The following BMPER variants were observed in gnomAD, a reference collection of about 807,000 sequenced individuals.
BMPER encodes BMP-binding endothelial regulator protein.
A neutral mutation model predicts 87.3 loss-of-function variants in BMPER; 45 were observed. The observed-to-expected ratio is 0.52, with a 90% CI of 0.41 to 0.66. The LOEUF (loss-of-function observed/expected upper bound fraction) is 0.66, where lower values mean the gene tolerates loss of function less well. BMPER is among the 30% of genes least tolerant of loss of function. The pLI is 0.00. For missense variants in BMPER, 784 were observed against 867.5 expected, an observed-to-expected ratio of 0.90 and a Z score of 1.21; for synonymous variants, 326 against 316.2, an observed-to-expected ratio of 1.03 and a Z score of -0.33.
chr7:34,149,361 C>G (rs1791112789), intron 14 of BMPER, among the ~76,000 whole-genome samples: 1 of 152,114 alleles, frequency 6.6e-6, no homozygotes, highest in Admixed American at 6.6e-5. Flanking sequence ...ATAACTATAA[C>G]GTTAAAAGTA....
intron 6 of BMPER, among the ~76,000 whole-genome samples, chr7:34,021,444 A>G (rs1585744953): frequency 1.3e-5 from 2 of 152,158 alleles, no homozygotes; most frequent in East Asian, 3.9e-4. Flanking sequence ...TATATATGCC[A>G]GGGACTGTTT....
At chr7:34,041,687 A>G (rs934057374) in intron 6 of BMPER, among the ~76,000 whole-genome samples, 1 of 152,078 alleles carries the variant, frequency 6.6e-6, no homozygotes, top group African/African-American at 2.4e-5. Context: ...CCACACTTAA[A>G]TCCTTTGCAC....
intron 13 of BMPER, among the ~76,000 whole-genome samples, chr7:34,119,014 T>TCTCTCTCTCTCACACACACACACA (rs66493349): frequency 1.5e-5 from 2 of 135,794 alleles, no homozygotes; most frequent in African/African-American, 5.3e-5. Flanking sequence ...TCTCTCTCTC[T>TCTCTCTCTCTCACACACACACACA]CACACACACA....
At chr7:33,928,599 T>C (rs1585645574) in intron 2 of BMPER, among the ~76,000 whole-genome samples, 1 of 130,968 alleles carries the variant, frequency 7.6e-6, no homozygotes, top group South Asian at 2.6e-4. Context: ...GACACTCTAA[T>C]GGCCTGTGTT....
At chr7:33,974,374 CT>C (rs1245039057) in intron 5 of BMPER, among the ~76,000 whole-genome samples, 1 of 152,244 alleles carries the variant, frequency 6.6e-6, no homozygotes, top group East Asian at 1.9e-4. Context: ...TCTGGCCCCC[CT>C]GGGTTTGGTC....
intron 6 of BMPER, among the ~76,000 whole-genome samples, chr7:34,031,923 TATATACAC>T (rs1448130135): frequency 5.8e-5 from 6 of 103,782 alleles, no homozygotes; most frequent in East Asian, 2.9e-4. Flanking sequence ...TATATATATA[TATATACAC>T]ACACACACAC....
At chr7:34,080,662 T>C (rs1156541540) in intron 12 of BMPER, among the ~76,000 whole-genome samples, 1 of 152,202 alleles carries the variant, frequency 6.6e-6, no homozygotes, top group Admixed American at 6.5e-5. Context: ...GTGCGTAAGA[T>C]GACCCATTAT....
chr7:33,922,139 C>T (rs73310818), intron 2 of BMPER: 2,945 of 236,398 alleles, frequency 0.012, 71 homozygotes, highest in African/African-American at 0.063. Flanking sequence ...CCATCACCTT[C>T]ACAGAATTCT....
At chr7:34,146,356 C>T (rs1480639063) in intron 14 of BMPER, among the ~76,000 whole-genome samples, 1 of 152,068 alleles carries the variant, frequency 6.6e-6, no homozygotes, top group African/African-American at 2.4e-5. Flanking sequence ...TTTTAAAGTC[C>T]AGCCTGGATT....
intron 6 of BMPER, among the ~76,000 whole-genome samples, chr7:34,031,496 C>T (rs973520978): frequency 6.6e-6 from 1 of 151,996 alleles, no homozygotes. Context: ...GTATACACTA[C>T]TGTACACCCC....
chr7:34,120,357 CA>C (rs139397829), intron 13 of BMPER, among the ~76,000 whole-genome samples: 6 of 147,152 alleles, frequency 4.1e-5, no homozygotes, highest in South Asian at 2.1e-4. Flanking sequence ...TTCAAAAAAG[CA>C]AAAAAAAATA....
chr7:33,958,922 G>T (rs1785207259), intron 3 of BMPER, among the ~76,000 whole-genome samples: 1 of 152,042 alleles, frequency 6.6e-6, no homozygotes, highest in Non-Finnish European at 1.5e-5. Flanking sequence ...GAATGGTGGG[G>T]GCAGTTTCCC....
chr7:33,985,204 G>A (rs1785971856), intron 6 of BMPER, among the ~76,000 whole-genome samples: 2 of 152,032 alleles, frequency 1.3e-5, no homozygotes, highest in Admixed American at 6.6e-5. Context: ...TACAACTCGA[G>A]GATAACTACT....
At chr7:33,959,619 TG>T (rs2128615789) in intron 3 of BMPER, among the ~76,000 whole-genome samples, 1 of 152,294 alleles carries the variant, frequency 6.6e-6, no homozygotes, top group East Asian at 1.9e-4. Context: ...GCAAGAATGG[TG>T]GGTGATGTAT....
At chr7:34,008,336 A>G (rs1786789560) in intron 6 of BMPER, among the ~76,000 whole-genome samples, 1 of 151,860 alleles carries the variant, frequency 6.6e-6, no homozygotes, top group South Asian at 2.1e-4. Context: ...TTGATTCTGT[A>G]GTAGTATTTT....
intron 6 of BMPER, among the ~76,000 whole-genome samples, chr7:34,000,799 C>T (rs1019630692): frequency 1.3e-5 from 2 of 152,014 alleles, no homozygotes; most frequent in African/African-American, 2.4e-5. Flanking sequence ...GCCCATTTCA[C>T]CATTAAGTAT....
intron 3 of BMPER, among the ~76,000 whole-genome samples, chr7:33,945,920 A>T (rs1784882929): frequency 6.6e-6 from 1 of 152,122 alleles, no homozygotes; most frequent in Admixed American, 6.5e-5. Flanking sequence ...AGCTTGCTTC[A>T]TTAAGGGGAC....
intron 6 of BMPER, among the ~76,000 whole-genome samples, chr7:34,030,928 A>G (rs774303750): frequency 2.4e-4 from 37 of 152,112 alleles, no homozygotes; most frequent in African/African-American, 8.2e-4. Flanking sequence ...TGATGGAAAG[A>G]TTTGGCTAAT....
chr7:34,153,405 T>A lies in BMPER; in HGVS notation c.*132T>A. 2 of 816,222 alleles carry A rather than the reference T, an allele frequency of 2.5e-6. No homozygotes were observed. Among genetic ancestry groups the A allele is most frequent in the Non-Finnish European group, 3.9e-6 (2 of 508,904 alleles). The allele number at this position is 816,222 out of a possible 1,614,324, so 50.6% of individuals were successfully genotyped here. A position where few individuals can be genotyped will look rare whatever the true frequency, so the allele number is the denominator to read the frequency against. ...CACACAGAGTATATATGTGTATATA[T>A]ATATAGATATATTCAAAAACATTGC... On this transcript the variant is annotated 3_prime_UTR_variant, in exon 15 of 15. Transcript: ENST00000649409.
Sources: gnomAD v4.1 joint callset for allele counts (sites outside exome capture counted in the v4.1 genomes callset) on GRCh38, gnomAD v4.1.1 for gene constraint, MANE v1.5 for transcripts, NCBI Gene and HGNC (gene_info 2026-07-23, HGNC 2026-07-21) for gene names.